Variants in PRKAR1A observed in about 807,000 individuals in gnomAD.
PRKAR1A encodes the protein protein kinase cAMP-dependent type I regulatory subunit alpha, also known as cAMP-dependent protein kinase type I-alpha regulatory subunit.
In PRKAR1A, 3 loss-of-function variants were observed where a neutral mutation model predicts 52.0. The observed-to-expected ratio is 0.06, with a 90% CI of 0.03 to 0.15. PRKAR1A has a LOEUF of 0.15. PRKAR1A is among the 10% of genes least tolerant of loss of function. The pLI, the probability that PRKAR1A is intolerant of heterozygous loss-of-function variation, is 1.00. For synonymous variants in PRKAR1A, 188 were observed against 168.4 expected (o/e 1.12, Z -0.90); for missense variants, 240 against 477.4 (o/e 0.50, Z 4.63).
chr17:68,471,474 C>G, the PRKAR1A span, among the ~76,000 whole-genome samples: 537 of 152,286 alleles, frequency 3.5e-3, 15 homozygotes, highest in East Asian at 0.083. Context: ...GACAGAAACC[C>G]TAACTTTTCA....
At chr17:68,473,763 C>T in the PRKAR1A span, among the ~76,000 whole-genome samples, 36 of 152,182 alleles carry the variant, frequency 2.4e-4, no homozygotes, top group African/African-American at 8.0e-4. Flanking sequence ...CTTTGTGATC[C>T]GCCCACCTCG....
At chr17:68,516,712 C>T (rs1037507717) in intron 2 of PRKAR1A, among the ~76,000 whole-genome samples, 3 of 147,412 alleles carry the variant, frequency 2.0e-5, no homozygotes, top group African/African-American at 7.5e-5. Context: ...GTATTTAGTA[C>T]CATGATCAGA....
chr17:68,548,081 C>T (rs772821155), intron 11 of PRKAR1A, among the ~76,000 whole-genome samples: 1 of 152,066 alleles, frequency 6.6e-6, no homozygotes, highest in Non-Finnish European at 1.5e-5. Context: ...GGGGGAACAG[C>T]AAGTTGTTGG....
the PRKAR1A span, among the ~76,000 whole-genome samples, chr17:68,450,559 C>T: frequency 6.6e-6 from 1 of 152,218 alleles, no homozygotes; most frequent in Non-Finnish European, 1.5e-5. Flanking sequence ...ACAACCAGCA[C>T]CTGGAGTAGA....
the PRKAR1A span, chr17:68,433,602 G>T: frequency 6.3e-7 from 1 of 1,587,318 alleles, no homozygotes; most frequent in Non-Finnish European, 8.6e-7. Flanking sequence ...ACATGGGTCA[G>T]TGAGCAAGAG....
At chr17:68,521,284 C>CA (rs1568693406) in intron 2 of PRKAR1A, among the ~76,000 whole-genome samples, 1 of 152,166 alleles carries the variant, frequency 6.6e-6, no homozygotes, top group Non-Finnish European at 1.5e-5. Flanking sequence ...GGCCTGAGTG[C>CA]AGTGGTGCGA....
chr17:68,421,729 C>T, the PRKAR1A span: 1 of 1,613,976 alleles, frequency 6.2e-7, no homozygotes, highest in South Asian at 1.1e-5. Context: ...TCTCCAAAAC[C>T]ACCTGATAGG....
the PRKAR1A span, among the ~76,000 whole-genome samples, chr17:68,482,134 G>A: frequency 6.6e-6 from 1 of 152,232 alleles, no homozygotes; most frequent in African/African-American, 2.4e-5. Flanking sequence ...CCAAGGAGAT[G>A]TTGGAGTTGA....
chr17:68,427,912 C>T, the PRKAR1A span, among the ~76,000 whole-genome samples: 2 of 152,294 alleles, frequency 1.3e-5, no homozygotes, highest in East Asian at 1.9e-4. Flanking sequence ...TTTTTTGAGA[C>T]AGGGTCTCAC....
the PRKAR1A span, among the ~76,000 whole-genome samples, chr17:68,468,743 T>C: frequency 1.3e-5 from 2 of 152,234 alleles, no homozygotes; most frequent in Non-Finnish European, 2.9e-5. Flanking sequence ...GGACCTTTCA[T>C]TATTTCTCTG....
At chr17:68,540,392 C>T (rs1306698680) in intron 11 of PRKAR1A, among the ~76,000 whole-genome samples, 3 of 152,222 alleles carry the variant, frequency 2.0e-5, no homozygotes, top group East Asian at 1.9e-4. Context: ...GACTTGCTTC[C>T]GACCTAAGCT....
chr17:68,488,592 G>T, the PRKAR1A span, among the ~76,000 whole-genome samples: 1 of 151,990 alleles, frequency 6.6e-6, no homozygotes, highest in African/African-American at 2.4e-5. Flanking sequence ...TTATCTGGAT[G>T]ATGTGGCTCA....
At chr17:68,544,669 A>G (rs2952317) in intron 11 of PRKAR1A, among the ~76,000 whole-genome samples, 47,172 of 152,086 alleles carry the variant, frequency 0.31, 7,645 homozygotes, top group East Asian at 0.56. Flanking sequence ...AGGTGCTGCC[A>G]AAAGTAGAGA....
chr17:68,484,462 T>C, the PRKAR1A span, among the ~76,000 whole-genome samples: 1 of 151,460 alleles, frequency 6.6e-6, no homozygotes, highest in Non-Finnish European at 1.5e-5. Flanking sequence ...TGGTATCTTT[T>C]TTTTTTTTTG....
Position 68,524,874 on chromosome 17 carries a change from A to G in PRKAR1A, c.503-38A>G, listed in dbSNP as rs769386603. On this transcript the variant is annotated intron_variant, in intron 5 of 10. Coordinates refer to ENST00000589228, the MANE Select transcript of PRKAR1A (RefSeq NM_002734.5). ...ATAATTTTGATAATTTCTTTCTTTA[A>G]TTTGGAATATGCTTCTAACTTTTTT... 1.7e-5 allele frequency: 25 copies of G among 1,495,564 alleles called. No individual in the cohort carries two copies. In the Middle Eastern group the frequency reaches 5.3e-4, roughly 32 times the overall value. 92.6% of individuals were successfully genotyped at this position (1,495,564 alleles called of 1,614,324 possible).
At chr17:68,537,795 G>C (rs569571447), downstream of PRKAR1A, 4 of 1,558,152 alleles carry the variant, frequency 2.6e-6, no homozygotes, top group Middle Eastern at 1.9e-4. This position sits in a 1 kb window ranked among gnomAD's most constrained non-coding sequence, Gnocchi z 4.2. Flanking sequence ...AAAATAACTT[G>C]CCTGAACTTC....
At chr17:68,487,798 T>A in the PRKAR1A span, among the ~76,000 whole-genome samples, 1 of 143,160 alleles carries the variant, frequency 7.0e-6, no homozygotes. Flanking sequence ...AGACCTCATC[T>A]CAGACAAAAA....
the PRKAR1A span, among the ~76,000 whole-genome samples, chr17:68,417,634 T>G: frequency 6.6e-6 from 1 of 151,870 alleles, no homozygotes; most frequent in Non-Finnish European, 1.5e-5. Flanking sequence ...CTCTGTTAAG[T>G]TGTGATTGTT....
At chr17:68,506,378 C>T in the PRKAR1A span, among the ~76,000 whole-genome samples, 2 of 152,120 alleles carry the variant, frequency 1.3e-5, no homozygotes, top group African/African-American at 4.8e-5. Context: ...ATCACTGATG[C>T]CTGAGTTAGA....
Sources: gnomAD v4.1 joint callset for allele counts (sites outside exome capture counted in the v4.1 genomes callset) on GRCh38, gnomAD v4.1.1 for gene constraint, Gnocchi (gnomAD v3.1) non-coding constraint, MANE v1.5 for transcripts, NCBI Gene and HGNC (gene_info 2026-07-23, HGNC 2026-07-21) for gene names.